IFT122: variants seen among roughly 807,000 people sequenced by gnomAD.
IFT122 encodes intraflagellar transport 122.
Under a neutral mutation model 161.6 loss-of-function variants are expected in IFT122, and 118 were observed. The observed-to-expected ratio is 0.73, with a 90% CI of 0.63 to 0.85. The LOEUF is 0.85. Among genes scored for constraint, IFT122 ranks in the 40% least tolerant of loss-of-function variants. The probability of loss-of-function intolerance (pLI) is 0.00; values close to 1 mark genes in which losing one functional copy is unlikely to be tolerated. For missense variants in IFT122, 1,381 were observed against 1,579.6 expected (o/e 0.87, Z 2.13); for synonymous variants, 550 against 602.4 (o/e 0.91, Z 1.27).
Position 129,449,880 on chromosome 3 carries a change from C to T in IFT122, c.51C>T (p.Asp17=). The T allele has an allele frequency of 6.2e-7, 1 of 1,611,284 alleles. No homozygotes were observed. The highest frequency in any genetic ancestry group is 2.2e-5 in the East Asian group (1 of 44,876). ...CTTGTCTTCTGTTCAGTATAAATGA[C>T]ATCGCATTTAAGCCTGATGGAACTC... ...WRDKAEHCIN[D]IAFKPDGTQL... The change falls in exon 2 of 30, where the codon GAC becomes GAT. Residue 17 remains aspartate (D), a synonymous_variant. Coordinates refer to ENST00000348417, the MANE Select transcript of IFT122 (RefSeq NM_052989.3).
chr3:129,442,905 C>T (rs943570165), intron 1 of IFT122, among the ~76,000 whole-genome samples: 7 of 152,168 alleles, frequency 4.6e-5, no homozygotes, highest in African/African-American at 1.7e-4. Context: ...CCCGAAGATC[C>T]TTCCCAAATG....
chr3:129,476,749 C>T lies in IFT122; in HGVS notation c.1095C>T (p.Tyr365=), dbSNP rs1233448767. The change falls in exon 11 of 30, where the codon TAC becomes TAT. Residue 365 remains tyrosine (Y), a synonymous_variant. Coordinates refer to ENST00000348417, the MANE Select transcript of IFT122 (RefSeq NM_052989.3). ...VHGLYKDRYA[Y]RDSMTDVIVQ... ...GGCTTTACAAGGACCGCTATGCCTA[C>T]AGGGATAGCATGACTGACGTCATTG... 1.9e-6 allele frequency: 3 copies of T among 1,614,034 alleles called. No individual in the cohort carries two copies. Among genetic ancestry groups the T allele is most frequent in the Non-Finnish European group, 2.5e-6 (3 of 1,179,918 alleles).
intron 1 of IFT122, among the ~76,000 whole-genome samples, chr3:129,444,679 G>A (rs1048211463): frequency 6.6e-6 from 1 of 152,016 alleles, no homozygotes; most frequent in Admixed American, 6.6e-5. Flanking sequence ...GCACCACCAC[G>A]CCCAGCTAAT....
Position 129,461,306 on chromosome 3 carries a change from T to G in IFT122, c.349+2T>G. On this transcript the variant is annotated splice_donor_variant, in intron 5 of 29. Coordinates refer to ENST00000348417, the MANE Select transcript of IFT122 (RefSeq NM_052989.3). LOFTEE classifies it high-confidence loss of function. ...CATCTTGTTCCTCCAGTGACTTTGG[T>G]ACGTTCTGATTCCTGATGTCCTGTC... The G allele has an allele frequency of 1.2e-6, 2 of 1,605,902 alleles. No homozygotes were observed. Among genetic ancestry groups the G allele is most frequent in the Non-Finnish European group, 1.7e-6 (2 of 1,172,448 alleles).
rs978080087 is a variant in IFT122, at chr3:129,463,769, G to A, written c.416+143G>A. ...GTATTTCCTTTTTTCTTCTTTCTTCGTCTCCTCGATGGGAAAGACTTGTGC... is the reference window on the plus strand; with the variant it reads ...GTATTTCCTTTTTTCTTCTTTCTTCATCTCCTCGATGGGAAAGACTTGTGC... On this transcript the variant is annotated intron_variant, in intron 6 of 29. Coordinates refer to ENST00000348417, the MANE Select transcript of IFT122 (RefSeq NM_052989.3). 36 of 689,024 alleles carry A rather than the reference G, an allele frequency of 5.2e-5. 1 individual carries two copies. In the Middle Eastern group the frequency reaches 7.2e-4, roughly 14 times the overall value. 42.7% of individuals were successfully genotyped at this position (689,024 alleles called of 1,614,324 possible). A position where few individuals can be genotyped will look rare whatever the true frequency, so the allele number is the denominator to read the frequency against.
intron 1 of IFT122, among the ~76,000 whole-genome samples, chr3:129,441,659 G>A (rs564599516): frequency 6.6e-6 from 1 of 152,256 alleles, no homozygotes. Flanking sequence ...GCAGGAGACA[G>A]GCAGGTAACA....
chr3:129,517,060 C>CTGCCCCTGCACACACACACAG, intron 26 of IFT122, among the ~76,000 whole-genome samples: 1 of 116,178 alleles, frequency 8.6e-6, no homozygotes, highest in South Asian at 3.1e-4. Flanking sequence ...CACACACACA[C>CTGCCCCTGCACACACACACAG]AGACTGCCCC....
intron 19 of IFT122, among the ~76,000 whole-genome samples, chr3:129,501,127 T>C (rs1181024584): frequency 6.6e-6 from 1 of 152,084 alleles, no homozygotes; most frequent in East Asian, 1.9e-4. Flanking sequence ...GGATTCAGCC[T>C]TGGGACTCAG....
chr3:129,513,537 TG>T (rs1355397826), intron 24 of IFT122: 4 of 153,012 alleles, frequency 2.6e-5, no homozygotes, highest in African/African-American at 9.7e-5. Flanking sequence ...GCTATGCCTG[TG>T]GGGGCTGAGC....
At chr3:129,520,105 C>T (rs1228533045) in intron 29 of IFT122, 71 bp from the exon 30 acceptor site, 18 of 1,266,700 alleles carry the variant, frequency 1.4e-5, no homozygotes, top group African/African-American at 7.3e-5. Flanking sequence ...AGAGGCAGTG[C>T]GTCCTGGCCC....
rs530560473 is a variant in IFT122, at chr3:129,516,698, A to G, written c.3266-771A>G. Among the ~76,000 whole-genome samples, 26 of 79,706 alleles carry G rather than the reference A, an allele frequency of 3.3e-4. No homozygotes were observed. The South Asian group carries it at 7.1e-3, about 22-fold the overall frequency. 52.3% of individuals were successfully genotyped at this position (79,706 alleles called of 152,430 possible). On this transcript the variant is annotated intron_variant, in intron 26 of 29. Transcript: ENST00000348417. ...GCACACACACAGATTGCTCCTGCAC[A>G]CACACACACACACACACACACACAC... is the stretch of plus-strand genomic sequence containing the variant.
intron 15 of IFT122, among the ~76,000 whole-genome samples, chr3:129,487,162 C>A (rs2079385868): frequency 1.3e-5 from 2 of 152,236 alleles, no homozygotes; most frequent in Non-Finnish European, 2.9e-5. Context: ...CTCTTCCCTG[C>A]CCAGGAAGCC....
chr3:129,497,548 C>G (rs1242368194), intron 18 of IFT122, among the ~76,000 whole-genome samples: 3 of 152,222 alleles, frequency 2.0e-5, no homozygotes. Flanking sequence ...TGGCCCCACT[C>G]CTGCCCCTGC....
chr3:129,462,638 A>G (rs1366385466), intron 5 of IFT122, among the ~76,000 whole-genome samples: 1 of 152,240 alleles, frequency 6.6e-6, no homozygotes, highest in Non-Finnish European at 1.5e-5. Context: ...AAATGTTTGG[A>G]GGAAGCGTTC....
intron 3 of IFT122, among the ~76,000 whole-genome samples, chr3:129,453,144 A>C (rs912133958): frequency 6.6e-6 from 1 of 152,190 alleles, no homozygotes; most frequent in Non-Finnish European, 1.5e-5. Context: ...CTGCTGGAAC[A>C]GAGTTGTTGA....
At position 129,451,899 on chromosome 3, in the gene IFT122, T is replaced by A. The variant is rs114298924; in HGVS notation, c.109-15T>A. On this transcript the variant is annotated splice_polypyrimidine_tract_variant and intron_variant, in intron 2 of 29. Coordinates refer to ENST00000348417, the MANE Select transcript of IFT122 (RefSeq NM_052989.3). ...AGATATCACATAGATAATCTGTATTTGTCTCTTTTGCCAGGTTTATGACAC... is the reference window on the plus strand; with the variant it reads ...AGATATCACATAGATAATCTGTATTAGTCTCTTTTGCCAGGTTTATGACAC... 1.2e-6 allele frequency: 2 copies of A among 1,603,716 alleles called. No individual in the cohort carries two copies. Among genetic ancestry groups the A allele is most frequent in the Non-Finnish European group, 1.7e-6 (2 of 1,170,574 alleles).
chr3:129,455,922 G>A lies in IFT122; in HGVS notation c.194-2677G>A, dbSNP rs538676584. 3.2e-4 allele frequency among the ~76,000 whole-genome samples: 47 copies of A among 148,240 alleles called. No homozygotes were observed. The East Asian group carries it at 8.4e-3, about 27-fold the overall frequency. On this transcript the variant is annotated intron_variant, in intron 3 of 29. Transcript: ENST00000348417. ...CTGAGGAGGAGGAGGAGGAGGAGGAGGAGGAAGAGGGATTGGTGATGCTGT... is the reference window on the plus strand; with the variant it reads ...CTGAGGAGGAGGAGGAGGAGGAGGAAGAGGAAGAGGGATTGGTGATGCTGT...
At chr3:129,464,852 C>G in intron 7 of IFT122, 71 bp downstream of exon 7, 1 of 1,524,486 alleles carries the variant, frequency 6.6e-7, no homozygotes, top group Non-Finnish European at 9.1e-7. Flanking sequence ...TTCCTGAGGT[C>G]TCCCTACATT....
chr3:129,460,228 C>G (rs553167767), intron 4 of IFT122, among the ~76,000 whole-genome samples: 1 of 152,052 alleles, frequency 6.6e-6, no homozygotes, highest in Non-Finnish European at 1.5e-5. Flanking sequence ...TCTCTCCTAC[C>G]CCCAGCCCCT....
Sources: allele counts gnomAD v4.1 joint callset (sites outside exome capture counted in the v4.1 genomes callset), GRCh38; gene constraint gnomAD v4.1.1; transcripts MANE v1.5; gene names NCBI Gene and HGNC (gene_info 2026-07-23, HGNC 2026-07-21).